Variants in EVC observed in about 807,000 individuals in gnomAD.
EVC encodes EvC ciliary complex subunit 1, also known as evC complex member EVC.
Under a neutral mutation model 118.9 loss-of-function variants are expected in EVC, and 116 were observed. The observed-to-expected ratio is 0.98, with a 90% confidence interval of 0.84 to 1.14. The LOEUF is 1.14. Among genes scored for constraint, EVC ranks in the 50% most tolerant of loss-of-function variants. The pLI is 0.00. For missense variants in EVC, 1,401 were observed against 1,246.4 expected, an observed-to-expected ratio of 1.12 and a Z score of -1.87; for synonymous variants, 619 against 534.7, an observed-to-expected ratio of 1.16 and a Z score of -2.18.
At chr4:5,745,478 C>G (rs1259371363) in intron 7 of EVC, 137 bp downstream of exon 7, 1 of 878,622 alleles carries the variant, frequency 1.1e-6, no homozygotes, top group Non-Finnish European at 1.8e-6. Context: ...GAGGCAGGAT[C>G]CAGTTTCTGA....
At chr4:5,790,424 G>A (rs186660738) in intron 12 of EVC, among the ~76,000 whole-genome samples, 1 of 152,262 alleles carries the variant, frequency 6.6e-6, no homozygotes, top group East Asian at 1.9e-4. Flanking sequence ...TGTTTAATCT[G>A]CATTCCAAAT....
At chr4:5,815,605 TAAAAG>T (rs1349620683), downstream of EVC, among the ~76,000 whole-genome samples, 4 of 151,974 alleles carry the variant, frequency 2.6e-5, no homozygotes, top group Admixed American at 2.6e-4. Flanking sequence ...CAGAGAAGAA[TAAAAG>T]AGAGAGGGAG....
chr4:5,791,461 T>A (rs758627003), intron 12 of EVC, among the ~76,000 whole-genome samples: 1 of 152,078 alleles, frequency 6.6e-6, no homozygotes, highest in Non-Finnish European at 1.5e-5. Context: ...GCGCTTTAGA[T>A]GAAGAGTTTA....
rs1016296654 is a variant in EVC, at chr4:5,743,067, G to T, written c.801+1253G>T. ...GTTATTTAGAACTTTCTAAAAAGGG[G>T]ACAGTAACTTCTGGGTTGTTGCCAT... is the stretch of plus-strand genomic sequence containing the variant. On this transcript the variant is annotated intron_variant, in intron 6 of 20. Coordinates refer to ENST00000264956, the MANE Select transcript of EVC (RefSeq NM_153717.3). This position sits in a 1 kb window ranked among gnomAD's most constrained non-coding sequence, Gnocchi z 4.7. Among the ~76,000 whole-genome samples the T allele has an allele frequency of 2.0e-5, 3 of 152,218 alleles. No homozygotes were observed. The highest frequency in any genetic ancestry group is 2.9e-5 in the Non-Finnish European group (2 of 68,032).
At chr4:5,718,134 C>T (rs747640433) in intron 1 of EVC, among the ~76,000 whole-genome samples, 3 of 152,118 alleles carry the variant, frequency 2.0e-5, no homozygotes, top group Non-Finnish European at 4.4e-5. Flanking sequence ...GTCTACTCTC[C>T]TTATTCATGG....
intron 13 of EVC, 108 bp from the exon 14 acceptor site, chr4:5,796,914 G>C: frequency 1.2e-6 from 1 of 865,594 alleles, no homozygotes; most frequent in Non-Finnish European, 2.0e-6. Context: ...ATTCCAACCT[G>C]CTTCCTTTTG....
chr4:5,802,019 G>A lies in EVC; in HGVS notation c.2374G>A (p.Ala792Thr). ...CGCTGGTGTCAGCCGCCTGGTGCAG[G>A]CGTATTACCAGCAAATCGGAAGGAT... is the stretch of plus-strand genomic sequence containing the variant. Reference protein sequence around the residue: ...TSAGVSRLVQAYYQQIGRIME... With the variant: ...TSAGVSRLVQTYYQQIGRIME... Residue 792 changes from alanine to threonine, a missense_variant, in exon 16 of 21, where the codon GCG becomes ACG. Transcript: ENST00000264956. 2 of 1,614,214 alleles carry A rather than the reference G, an allele frequency of 1.2e-6. No individual in the cohort carries two copies. The highest frequency in any genetic ancestry group is 1.7e-6 in the Non-Finnish European group (2 of 1,180,038).
At chr4:5,790,050 A>C (rs1380108468) in intron 12 of EVC, among the ~76,000 whole-genome samples, 4 of 152,080 alleles carry the variant, frequency 2.6e-5, no homozygotes, top group South Asian at 4.2e-4. Flanking sequence ...GCATGGTGAC[A>C]TGCACCAGTA....
the EVC span, chr4:5,828,718 C>T: frequency 2.4e-5 from 38 of 1,596,184 alleles, no homozygotes; most frequent in East Asian, 3.1e-4. Flanking sequence ...CTGCCCCAAA[C>T]GAGCTGTTCA....
chr4:5,807,724 G>A (rs1716156742), intron 17 of EVC, among the ~76,000 whole-genome samples: 1 of 152,178 alleles, frequency 6.6e-6, no homozygotes, highest in Non-Finnish European at 1.5e-5. Context: ...TACGAGGGAG[G>A]GGCCGGGGCA....
At chr4:5,783,226 G>A (rs1735899254) in intron 11 of EVC, among the ~76,000 whole-genome samples, 1 of 151,476 alleles carries the variant, frequency 6.6e-6, no homozygotes, top group African/African-American at 2.4e-5. Context: ...GAACGAAAGT[G>A]TGCATGTGTT....
At chr4:5,800,302 AC>A (rs1714735674) in intron 15 of EVC, among the ~76,000 whole-genome samples, 1 of 152,174 alleles carries the variant, frequency 6.6e-6, no homozygotes, top group African/African-American at 2.4e-5. Flanking sequence ...CCAAGATCAC[AC>A]CACTGCACTC....
intron 13 of EVC, among the ~76,000 whole-genome samples, chr4:5,796,076 A>G (rs1261484034): frequency 1.3e-5 from 2 of 151,960 alleles, no homozygotes; most frequent in Non-Finnish European, 2.9e-5. Context: ...CTTCAGCCAT[A>G]TTTTATCAGG....
At chr4:5,770,464 G>C (rs898470034) in intron 11 of EVC, among the ~76,000 whole-genome samples, 1 of 152,176 alleles carries the variant, frequency 6.6e-6, no homozygotes, top group African/African-American at 2.4e-5. Context: ...ATTAAGTGCT[G>C]CATGGCACTG....
chr4:5,810,964 T>A lies in EVC; in HGVS notation c.2906T>A (p.Leu969Gln). ...TTCTCTGTTTTAAGCAGCAAAAGGC[T>A]GAGTCAGCAAGAAAGTGAAGCTGGG... is the stretch of plus-strand genomic sequence containing the variant. ...QTSGSLSSKR[L>Q]SQQESEAGDS... Residue 969 changes from leucine (L) to glutamine (Q), a missense_variant, in exon 21 of 21, where the codon CTG (leucine) becomes CAG (glutamine). Transcript: ENST00000264956. 6.2e-7 allele frequency: 1 copy of A among 1,612,518 alleles called. No homozygotes were observed.
chr4:5,824,708 A>C, the EVC span: 2 of 978,744 alleles, frequency 2.0e-6, no homozygotes, highest in African/African-American at 3.9e-5. Flanking sequence ...CAAAGCCTAA[A>C]GTATTTACTA....
At chr4:5,801,404 C>T (rs1056886608) in intron 15 of EVC, among the ~76,000 whole-genome samples, 9 of 152,164 alleles carry the variant, frequency 5.9e-5, no homozygotes, top group South Asian at 2.1e-4. Flanking sequence ...CTCGGCCGGG[C>T]GTGGTGGCTC....
chr4:5,824,478 G>A, the EVC span: 15 of 984,838 alleles, frequency 1.5e-5, no homozygotes, highest in Middle Eastern at 5.2e-4. Flanking sequence ...GAATTCACAC[G>A]TCATCCTCTC....
chr4:5,750,845 T>C (rs1730237657), intron 8 of EVC, among the ~76,000 whole-genome samples: 1 of 152,094 alleles, frequency 6.6e-6, no homozygotes. Context: ...GAGGGATGGA[T>C]TCACTATGCC....
Sources: gnomAD v4.1 joint callset for allele counts (sites outside exome capture counted in the v4.1 genomes callset) on GRCh38, gnomAD v4.1.1 for gene constraint, Gnocchi (gnomAD v3.1) non-coding constraint, MANE v1.5 for transcripts, NCBI Gene and HGNC (gene_info 2026-07-23, HGNC 2026-07-21) for gene names.